The following KCNIP4 variants were observed in gnomAD, a reference collection of about 807,000 sequenced individuals.
KCNIP4 encodes potassium voltage-gated channel interacting protein 4.
Under a neutral mutation model 34.0 loss-of-function variants are expected in KCNIP4, and 12 were observed. The ratio of observed to expected loss-of-function variants is 0.35; its 90% CI spans 0.23 to 0.57. The LOEUF (loss-of-function observed/expected upper bound fraction) is 0.57. KCNIP4 is among the 20% of genes least tolerant of loss of function. The probability of loss-of-function intolerance (pLI) is 0.83; values close to 1 mark genes in which losing one functional copy is unlikely to be tolerated. For missense variants in KCNIP4, 238 were observed against 311.7 expected (o/e 0.76, Z 1.78); for synonymous variants, 124 against 102.2 (o/e 1.21, Z -1.29).
intron 1 of KCNIP4, among the ~76,000 whole-genome samples, chr4:21,760,431 C>G (rs2109167201): frequency 1.1e-5 from 1 of 90,290 alleles, no homozygotes; most frequent in East Asian, 2.1e-4. Context: ...ATTCAACCTT[C>G]AATTAGATAC....
At chr4:21,540,707 C>T (rs550009621) in intron 1 of KCNIP4, among the ~76,000 whole-genome samples, 3 of 152,248 alleles carry the variant, frequency 2.0e-5, no homozygotes, top group South Asian at 4.1e-4. Context: ...ATTTACCAAA[C>T]GTTTTTGACT....
At chr4:21,551,417 T>A (rs1738574502) in intron 1 of KCNIP4, among the ~76,000 whole-genome samples, 1 of 152,082 alleles carries the variant, frequency 6.6e-6, no homozygotes, top group Admixed American at 6.6e-5. Flanking sequence ...TCATATCTTC[T>A]TGCCACTACA....
chr4:21,097,178 A>T (rs1747533579), intron 1 of KCNIP4, among the ~76,000 whole-genome samples: 1 of 152,192 alleles, frequency 6.6e-6, no homozygotes, highest in South Asian at 2.1e-4. Flanking sequence ...CAATAGCCAA[A>T]AAGTGGAAAC....
chr4:20,960,500 C>T (rs952549954), intron 1 of KCNIP4, among the ~76,000 whole-genome samples: 1 of 152,248 alleles, frequency 6.6e-6, no homozygotes, highest in Admixed American at 6.5e-5. Context: ...GCTCTGCCCC[C>T]TGTGCCCAGT....
At chr4:21,694,470 T>C (rs1553921723) in intron 1 of KCNIP4, among the ~76,000 whole-genome samples, 4 of 152,110 alleles carry the variant, frequency 2.6e-5, no homozygotes, top group Non-Finnish European at 5.9e-5. Context: ...AATACAGACA[T>C]TATATATGTT....
intron 3 of KCNIP4, among the ~76,000 whole-genome samples, chr4:20,780,232 A>T (rs1756753456): frequency 6.6e-6 from 1 of 152,216 alleles, no homozygotes; most frequent in Admixed American, 6.5e-5. Context: ...GTTGTGGTCA[A>T]AAGGGTGAGA....
chr4:21,278,853 T>A (rs1872460), intron 1 of KCNIP4, among the ~76,000 whole-genome samples: 67,009 of 152,080 alleles, frequency 0.44, 15,477 homozygotes, highest in South Asian at 0.57. Context: ...ATGCCATTTT[T>A]ACTCTAAGGA....
intron 3 of KCNIP4, among the ~76,000 whole-genome samples, chr4:20,790,400 A>C (rs1712582479): frequency 6.6e-6 from 1 of 152,200 alleles, no homozygotes; most frequent in East Asian, 1.9e-4. Flanking sequence ...CTTCAATAAC[A>C]AATTTAACTT....
At chr4:21,396,419 G>A (rs909828397) in intron 1 of KCNIP4, among the ~76,000 whole-genome samples, 1 of 151,894 alleles carries the variant, frequency 6.6e-6, no homozygotes, top group African/African-American at 2.4e-5. Flanking sequence ...AGCTGAGCAT[G>A]GTGGCAGATG....
intron 1 of KCNIP4, among the ~76,000 whole-genome samples, chr4:21,725,731 T>G (rs1715148141): frequency 6.6e-6 from 1 of 152,162 alleles, no homozygotes; most frequent in Non-Finnish European, 1.5e-5. Context: ...TTATTTCCCC[T>G]TAGAACAGTT....
chr4:21,423,246 T>G (rs557208388), intron 1 of KCNIP4, among the ~76,000 whole-genome samples: 1 of 152,318 alleles, frequency 6.6e-6, no homozygotes, highest in East Asian at 1.9e-4. Flanking sequence ...GATTGTCACT[T>G]TCAACATTAG....
At chr4:20,817,531 C>A (rs992357291) in intron 3 of KCNIP4, among the ~76,000 whole-genome samples, 1 of 152,144 alleles carries the variant, frequency 6.6e-6, no homozygotes, top group African/African-American at 2.4e-5. Context: ...CACCTTCCCC[C>A]TTTTCGCTCC....
At chr4:21,750,764 C>A (rs1824368) in intron 1 of KCNIP4, among the ~76,000 whole-genome samples, 1 of 152,020 alleles carries the variant, frequency 6.6e-6, no homozygotes, top group East Asian at 1.9e-4. Context: ...ACAGTTATTT[C>A]GCGGAGAAGC....
intron 1 of KCNIP4, among the ~76,000 whole-genome samples, chr4:21,603,821 T>C (rs1055936329): frequency 2.6e-5 from 4 of 152,140 alleles, no homozygotes; most frequent in Non-Finnish European, 5.9e-5. Context: ...ATATCTGAAA[T>C]TATAGAATTG....
intron 1 of KCNIP4, among the ~76,000 whole-genome samples, chr4:21,881,340 A>G (rs1726448353): frequency 6.6e-6 from 1 of 152,154 alleles, no homozygotes; most frequent in Admixed American, 6.6e-5. Flanking sequence ...TAATGTTAAT[A>G]TGTTGGATTA....
intron 3 of KCNIP4, among the ~76,000 whole-genome samples, chr4:20,762,905 A>G (rs1354674863): frequency 1.3e-5 from 2 of 152,088 alleles, no homozygotes; most frequent in Non-Finnish European, 2.9e-5. Context: ...GAAACTTACA[A>G]TCATGGTGGA....
At chr4:21,731,114 CAA>C (rs36075428) in intron 1 of KCNIP4, among the ~76,000 whole-genome samples, 13 of 135,076 alleles carry the variant, frequency 9.6e-5, no homozygotes, top group Non-Finnish European at 8.0e-5. Flanking sequence ...GAACCTGTCT[CAA>C]AAAAAAAAAA....
chr4:20,731,897 T>G (rs943586792), intron 8 of KCNIP4, 109 bp downstream of exon 8: 38 of 1,499,232 alleles, frequency 2.5e-5, no homozygotes, highest in Non-Finnish European at 3.2e-5. Flanking sequence ...AGTGGTAAAC[T>G]TAGGCATATG....
At chr4:21,703,100 C>A (rs551234034) in intron 1 of KCNIP4, among the ~76,000 whole-genome samples, 2 of 151,996 alleles carry the variant, frequency 1.3e-5, no homozygotes, top group South Asian at 4.2e-4. Context: ...AGACAAACTG[C>A]TTTACTTTGA....
Sources: allele counts gnomAD v4.1 joint callset (sites outside exome capture counted in the v4.1 genomes callset), GRCh38; gene constraint gnomAD v4.1.1; transcripts MANE v1.5; gene names NCBI Gene and HGNC (gene_info 2026-07-23, HGNC 2026-07-21).